DAB1: variants seen among roughly 807,000 people sequenced by gnomAD.
DAB1 encodes disabled homolog 1.
Under a neutral mutation model 64.6 loss-of-function variants are expected in DAB1, and 15 were observed. The observed-to-expected ratio is 0.23, with a 90% confidence interval of 0.16 to 0.36. The LOEUF (loss-of-function observed/expected upper bound fraction) is 0.36. Ranked by LOEUF, DAB1 falls within the 10% of genes least tolerant of loss-of-function variation. The pLI, the probability that DAB1 is intolerant of heterozygous loss-of-function variation, is 1.00. For synonymous variants in DAB1, 235 were observed against 251.9 expected (o/e 0.93, Z 0.64); for missense variants, 596 against 706.7 (o/e 0.84, Z 1.78).
chr1:57,831,021 C>T (rs906343174), intron 1 of DAB1, among the ~76,000 whole-genome samples: 9 of 152,318 alleles, frequency 5.9e-5, no homozygotes, highest in Admixed American at 6.5e-5. Flanking sequence ...TCACACCATT[C>T]TCCTGCCTTA....
chr1:57,846,416 C>T (rs1040816397), intron 1 of DAB1, among the ~76,000 whole-genome samples: 1 of 149,660 alleles, frequency 6.7e-6, no homozygotes, highest in African/African-American at 2.5e-5. Context: ...CGAGATTGTG[C>T]CACTGCACTC....
intron 5 of DAB1, among the ~76,000 whole-genome samples, chr1:58,136,834 A>G (rs1653973377): frequency 6.6e-6 from 1 of 152,238 alleles, no homozygotes; most frequent in Non-Finnish European, 1.5e-5. Flanking sequence ...AGGGGCCTGA[A>G]AAGTAACTTG....
intron 3 of DAB1, among the ~76,000 whole-genome samples, chr1:58,504,212 G>C (rs1362237237): frequency 2.6e-5 from 4 of 152,250 alleles, no homozygotes; most frequent in African/African-American, 9.6e-5. Context: ...CAATGGCTTA[G>C]AAGATCCTGC....
At chr1:57,836,552 G>T (rs1652817468) in intron 1 of DAB1, among the ~76,000 whole-genome samples, 1 of 152,126 alleles carries the variant, frequency 6.6e-6, no homozygotes, top group Admixed American at 6.5e-5. Flanking sequence ...GGAACCAGGG[G>T]CTGACTCATT....
intron 2 of DAB1, among the ~76,000 whole-genome samples, chr1:57,162,492 C>T (rs548466292): frequency 3.9e-5 from 6 of 152,328 alleles, no homozygotes; most frequent in East Asian, 1.9e-4. Context: ...AAGGCTTGCT[C>T]TTGGACCTAG....
intron 7 of DAB1, among the ~76,000 whole-genome samples, chr1:57,586,412 G>T (rs1453836011): frequency 6.6e-6 from 1 of 152,126 alleles, no homozygotes; most frequent in Admixed American, 6.5e-5. Context: ...GACTCTGAGG[G>T]CAGGAAATGT....
chr1:58,184,381 G>A (rs1017354272), intron 4 of DAB1, among the ~76,000 whole-genome samples: 13 of 151,280 alleles, frequency 8.6e-5, no homozygotes, highest in Non-Finnish European at 1.3e-4. Flanking sequence ...AAAATAAGCA[G>A]TCCTAATACC....
chr1:58,172,570 T>C (rs1656235289), intron 4 of DAB1, among the ~76,000 whole-genome samples: 1 of 152,216 alleles, frequency 6.6e-6, no homozygotes, highest in Non-Finnish European at 1.5e-5. Flanking sequence ...TCCCAGAGGA[T>C]GGGGAACCAA....
intron 2 of DAB1, among the ~76,000 whole-genome samples, chr1:57,272,898 T>A (rs1336748826): frequency 6.6e-6 from 1 of 152,160 alleles, no homozygotes; most frequent in African/African-American, 2.4e-5. Context: ...TTGTTTGTGA[T>A]AAGAAGAAAT....
chr1:57,842,941 T>C (rs1653119922), intron 1 of DAB1, among the ~76,000 whole-genome samples: 1 of 152,222 alleles, frequency 6.6e-6, no homozygotes, highest in African/African-American at 2.4e-5. Context: ...TTGAATATCT[T>C]ATGTGATATG....
intron 4 of DAB1, among the ~76,000 whole-genome samples, chr1:57,108,486 C>T (rs897761462): frequency 1.3e-5 from 2 of 152,164 alleles, no homozygotes; most frequent in African/African-American, 4.8e-5. Flanking sequence ...CCTACTCATC[C>T]CCACAGTACT....
intron 7 of DAB1, among the ~76,000 whole-genome samples, chr1:57,562,785 C>T (rs747135905): frequency 1.2e-4 from 19 of 152,228 alleles, no homozygotes; most frequent in South Asian, 4.1e-4. Flanking sequence ...CCAGGAGACA[C>T]GACAACGATT....
In DAB1 at chr1:57,284,991, T is replaced by C. The variant is rs12568148; in HGVS notation, c.67+5973A>G. On this transcript the variant is annotated intron_variant, in intron 2 of 14. Coordinates refer to ENST00000371236, the MANE Select transcript of DAB1 (RefSeq NM_001365792.1). ...CTTCTGAATCCCATTAAAGCCTTGATTCTTGGAGCCAAAATTCTCCTGGGA... is the reference window on the plus strand; with the variant it reads ...CTTCTGAATCCCATTAAAGCCTTGACTCTTGGAGCCAAAATTCTCCTGGGA... 7.5e-3 allele frequency among the ~76,000 whole-genome samples: 1,135 copies of C among 152,346 alleles called. 30 individuals are homozygous for C. The East Asian group carries it at 0.079, about 11-fold the overall frequency.
At chr1:57,189,552 T>C (rs913923482) in intron 2 of DAB1, among the ~76,000 whole-genome samples, 1 of 152,120 alleles carries the variant, frequency 6.6e-6, no homozygotes, top group Non-Finnish European at 1.5e-5. Context: ...TAATAGATTA[T>C]CCCAAGCCCT....
intron 5 of DAB1, among the ~76,000 whole-genome samples, chr1:58,129,269 T>A (rs1018704198): frequency 6.6e-6 from 1 of 151,646 alleles, no homozygotes; most frequent in Admixed American, 6.6e-5. Context: ...TATTCCCTGA[T>A]GGCAGTTTGT....
rs374046995 is a variant in DAB1, at chr1:57,287,047, A to G, written c.67+3917T>C. Among the ~76,000 whole-genome samples, 88 of 152,320 alleles carry G rather than the reference A, an allele frequency of 5.8e-4. 1 individual carries two copies. In the South Asian group the frequency reaches 0.016, roughly 28 times the overall value. ...AAAAACACTTCCTAGAAAATAATAC[A>G]TAAAGGGGAACTAACAAGGTATGTT... On this transcript the variant is annotated intron_variant, in intron 2 of 14. Coordinates refer to ENST00000371236, the MANE Select transcript of DAB1 (RefSeq NM_001365792.1).
chr1:57,999,594 A>C (rs2100399829), intron 5 of DAB1, among the ~76,000 whole-genome samples: 1 of 152,270 alleles, frequency 6.6e-6, no homozygotes, highest in Non-Finnish European at 1.5e-5. Context: ...ATGTCTAGAG[A>C]TATTTTTGTT....
In DAB1 at chr1:57,441,132, C is replaced by T. The variant is rs557939371; in HGVS notation, n.626-149966G>A. On this transcript the variant is annotated intron_variant and non_coding_transcript_variant, in intron 7 of 20. Transcript: ENST00000485760. ...GTGAGAACAAGTGATATTTGGTTTT[C>T]TGTTCCTGTGTTAACTTGCCTAGAA... Among the ~76,000 whole-genome samples the T allele has an allele frequency of 2.6e-4, 39 of 152,160 alleles. 1 individual carries two copies. Among genetic ancestry groups the T allele is most frequent in the Admixed American group, 1.2e-3 (18 of 15,262 alleles).
intron 5 of DAB1, among the ~76,000 whole-genome samples, chr1:58,136,791 G>T (rs1272530447): frequency 2.0e-5 from 3 of 152,158 alleles, no homozygotes; most frequent in Non-Finnish European, 4.4e-5. Context: ...AATCCTCATT[G>T]TGAGGTATTC....
Sources: gnomAD v4.1 joint callset for allele counts (sites outside exome capture counted in the v4.1 genomes callset) on GRCh38, gnomAD v4.1.1 for gene constraint, MANE v1.5 for transcripts, NCBI Gene and HGNC (gene_info 2026-07-23, HGNC 2026-07-21) for gene names.